WWC1: variants seen among roughly 807,000 people sequenced by gnomAD.
WWC1 encodes WW and C2 domain containing 1, also known as protein KIBRA.
A neutral mutation model predicts 138.4 loss-of-function variants in WWC1; 55 were observed. The ratio of observed to expected loss-of-function variants is 0.40; its 90% CI spans 0.32 to 0.50. The LOEUF (loss-of-function observed/expected upper bound fraction) is 0.50, where lower values mean the gene tolerates loss of function less well. Among genes scored for constraint, WWC1 ranks in the 20% least tolerant of loss-of-function variants. WWC1 has a pLI of 0.72. For missense variants in WWC1, 1,226 were observed against 1,420.4 expected (o/e 0.86, Z 2.20); for synonymous variants, 524 against 564.9 (o/e 0.93, Z 1.03).
intron 5 of WWC1, among the ~76,000 whole-genome samples, chr5:168,405,703 CT>C (rs756275419): frequency 0.016 from 2,238 of 141,448 alleles, 48 homozygotes; most frequent in African/African-American, 0.048. Flanking sequence ...CTTTCTATGC[CT>C]TTTTTTTTTT....
At chr5:168,444,986 G>A (rs1250575335) in intron 17 of WWC1, among the ~76,000 whole-genome samples, 1 of 152,042 alleles carries the variant, frequency 6.6e-6, no homozygotes, top group Non-Finnish European at 1.5e-5. Context: ...AGAAATATTA[G>A]ACAGAAATAA....
At chr5:168,436,552 C>G (rs75209432) in intron 15 of WWC1, among the ~76,000 whole-genome samples, 4 of 152,156 alleles carry the variant, frequency 2.6e-5, no homozygotes, top group Non-Finnish European at 5.9e-5. Context: ...ACTGCCTGTT[C>G]TGCATCTTCA....
chr5:168,383,501 G>A (rs1190033239), intron 2 of WWC1, among the ~76,000 whole-genome samples: 1 of 152,196 alleles, frequency 6.6e-6, no homozygotes, highest in Admixed American at 6.5e-5. Flanking sequence ...AGGAATGAGA[G>A]CTAAAGGGCC....
chr5:168,362,579 A>G (rs1775961649), intron 1 of WWC1, among the ~76,000 whole-genome samples: 1 of 152,218 alleles, frequency 6.6e-6, no homozygotes, highest in African/African-American at 2.4e-5. Flanking sequence ...CAACAAACAT[A>G]TCTTCAGGCT....
At chr5:168,411,469 A>G (rs1172920869) in intron 8 of WWC1, among the ~76,000 whole-genome samples, 1 of 152,212 alleles carries the variant, frequency 6.6e-6, no homozygotes, top group Non-Finnish European at 1.5e-5. Context: ...AAACCAGAGA[A>G]AGCAAAAAAG....
At position 168,431,304 on chromosome 5, in the gene WWC1, C is replaced by T. The variant is rs745944319; in HGVS notation, c.2140C>T (p.Arg714Trp). ...CTCTGAAAGCACAACCTGCCTGTTCCGGACCCGGCCTCTGGACGCCTCAGA... is the reference window on the plus strand; with the variant it reads ...CTCTGAAAGCACAACCTGCCTGTTCTGGACCCGGCCTCTGGACGCCTCAGA... ...PCSESTTCLF[R>W]TRPLDASDTL... Residue 714 changes from arginine (R) to tryptophan (W), a missense_variant, in exon 15 of 23, where the codon CGG becomes TGG. By Grantham distance (101) the Arg-to-Trp change is moderately radical. This residue lies in a region of WWC1 where 1,016 missense variants were observed against 1,153.9 expected (regional missense o/e 0.88). Coordinates refer to ENST00000265293, the MANE Select transcript of WWC1 (RefSeq NM_015238.3). 4 of 1,614,124 alleles carry T rather than the reference C, an allele frequency of 2.5e-6. No individual in the cohort carries two copies. The highest frequency in any genetic ancestry group is 2.2e-5 in the South Asian group (2 of 91,076).
intron 1 of WWC1, among the ~76,000 whole-genome samples, chr5:168,328,307 A>T (rs1235104781): frequency 2.6e-5 from 4 of 152,180 alleles, no homozygotes; most frequent in African/African-American, 9.7e-5. Context: ...GTTATGAATG[A>T]TGCTGTTTCC....
intron 1 of WWC1, among the ~76,000 whole-genome samples, chr5:168,347,652 A>C (rs1031162512): frequency 1.3e-5 from 2 of 152,122 alleles, no homozygotes; most frequent in African/African-American, 2.4e-5. Flanking sequence ...GGTGTAAGGG[A>C]TGGCCCTGAA....
chr5:168,306,897 A>T (rs1862353), intron 1 of WWC1, among the ~76,000 whole-genome samples: 3 of 152,110 alleles, frequency 2.0e-5, no homozygotes, highest in Admixed American at 2.0e-4. Flanking sequence ...ACGCCCAGCC[A>T]GTCTAAGCTA....
At chr5:168,424,357 T>C (rs10866629) in intron 11 of WWC1, among the ~76,000 whole-genome samples, 103,669 of 152,086 alleles carry the variant, frequency 0.68, 37,514 homozygotes, top group East Asian at 0.99. Flanking sequence ...ATTCATCTAT[T>C]CATGATTATA....
intron 6 of WWC1, 119 bp downstream of exon 6, chr5:168,406,446 CT>C: frequency 7.0e-7 from 1 of 1,419,998 alleles, no homozygotes; most frequent in Admixed American, 2.1e-5. Context: ...CATTACCAGT[CT>C]TCCTGGGGTT....
At chr5:168,295,883 C>T (rs900133544) in intron 1 of WWC1, among the ~76,000 whole-genome samples, 2 of 152,126 alleles carry the variant, frequency 1.3e-5, no homozygotes, top group Admixed American at 6.5e-5. Context: ...TCCCAACAAC[C>T]GGAGAGGGTC....
chr5:168,307,817 A>G (rs948162418), intron 1 of WWC1, among the ~76,000 whole-genome samples: 3 of 151,942 alleles, frequency 2.0e-5, no homozygotes, highest in Non-Finnish European at 4.4e-5. Flanking sequence ...TCACCATGTT[A>G]GCCAGGCTGG....
rs115894482 is a variant in WWC1, at chr5:168,355,791, G to C, written c.120-15633G>C. Among the ~76,000 whole-genome samples the C allele has an allele frequency of 1.4e-3, 206 of 152,194 alleles. 1 individual carries two copies. The highest frequency in any genetic ancestry group is 4.8e-3 in the African/African-American group (199 of 41,526). ...ATGTGTTGTTGTTTTTATTATGGGG[G>C]TGGGTAAGGGAGTGAACAGGAAGGA... On this transcript the variant is annotated intron_variant, in intron 1 of 22. Transcript: ENST00000265293.
chr5:168,453,752 G>A (rs1390255519), intron 17 of WWC1, among the ~76,000 whole-genome samples: 5 of 152,064 alleles, frequency 3.3e-5, no homozygotes, highest in African/African-American at 1.2e-4. Flanking sequence ...CACCATGTTG[G>A]CCAGGCTTGT....
chr5:168,443,939 G>T (rs563039913), intron 16 of WWC1, among the ~76,000 whole-genome samples: 1 of 152,272 alleles, frequency 6.6e-6, no homozygotes, highest in South Asian at 2.1e-4. Context: ...ACCCTTTCTA[G>T]CAGTTATTAG....
chr5:168,339,814 C>CTTTCTTTCTTTCTTTCTTTCTTTCTTTCT (rs1773827964), intron 1 of WWC1, among the ~76,000 whole-genome samples: 1 of 96,662 alleles, frequency 1.0e-5, no homozygotes, highest in African/African-American at 3.4e-5. Flanking sequence ...GTTTTTCTTT[C>CTTTCTTTCTTTCTTTCTTTCTTTCTTTCT]TTTCTTTCTT....
chr5:168,362,025 G>T (rs958051074), intron 1 of WWC1, among the ~76,000 whole-genome samples: 3 of 152,214 alleles, frequency 2.0e-5, no homozygotes, highest in Non-Finnish European at 4.4e-5. Flanking sequence ...AGAGGTTGCA[G>T]TGAGCCTAGA....
chr5:168,441,606 C>T (rs1011663395), intron 15 of WWC1, 76 bp from the exon 16 acceptor site: 9 of 1,541,114 alleles, frequency 5.8e-6, no homozygotes, highest in Non-Finnish European at 7.1e-6. Context: ...CCATACTGTC[C>T]TCTTGAACCA....
Sources: gnomAD v4.1 joint callset for allele counts (sites outside exome capture counted in the v4.1 genomes callset) on GRCh38, gnomAD v4.1.1 for gene constraint, gnomAD v4.1.1 regional missense constraint, MANE v1.5 for transcripts, NCBI Gene and HGNC (gene_info 2026-07-23, HGNC 2026-07-21) for gene names.